Variants in GABRA5 observed in about 807,000 individuals in gnomAD.
GABRA5 encodes gamma-aminobutyric acid type A receptor subunit alpha5, also known as gamma-aminobutyric acid receptor subunit alpha-5.
A neutral mutation model predicts 47.3 loss-of-function variants in GABRA5; 18 were observed. The observed-to-expected ratio is 0.38, with a 90% CI of 0.26 to 0.56. The LOEUF is 0.56. Among genes scored for constraint, GABRA5 ranks in the 20% least tolerant of loss-of-function variants. The pLI is 0.71. For missense variants in GABRA5, 365 were observed against 599.3 expected, an observed-to-expected ratio of 0.61 and a Z score of 4.08; for synonymous variants, 237 against 229.3, an observed-to-expected ratio of 1.03 and a Z score of -0.30.
chr15:26,883,706 C>T lies in GABRA5; in HGVS notation c.497+149C>T. On this transcript the variant is annotated intron_variant, in intron 6 of 10. Transcript: ENST00000335625. This position sits in a 1 kb window ranked among gnomAD's most constrained non-coding sequence, Gnocchi z 4.8. ...TGTGCTGGGGGTTCCCCGTTGCCAT[C>T]TGCCCACACCAGCGCTCTTGGACGT... is the stretch of plus-strand genomic sequence containing the variant. The T allele has an allele frequency of 1.6e-6, 1 of 643,730 alleles. No individual in the cohort carries two copies. The highest frequency in any genetic ancestry group is 2.5e-6 in the Non-Finnish European group (1 of 392,356). 39.9% of individuals were successfully genotyped at this position (643,730 alleles called of 1,614,324 possible).
rs954583467 is a variant in GABRA5, at chr15:26,884,153, C to A, written c.497+596C>A. 2.0e-5 allele frequency among the ~76,000 whole-genome samples: 3 copies of A among 151,692 alleles called. No individual in the cohort carries two copies. In the East Asian group the frequency reaches 5.8e-4, roughly 29 times the overall value. On this transcript the variant is annotated intron_variant, in intron 6 of 10. Transcript: ENST00000335625. ...GCACTAAGCCATGATTGTACCACTGCGCTCCAGCCTGGGTGACAGAGTGAG... is the reference window on the plus strand; with the variant it reads ...GCACTAAGCCATGATTGTACCACTGAGCTCCAGCCTGGGTGACAGAGTGAG...
chr15:26,915,770 T>C (rs1347489363), intron 7 of GABRA5, among the ~76,000 whole-genome samples: 1 of 152,194 alleles, frequency 6.6e-6, no homozygotes, highest in East Asian at 1.9e-4. Context: ...AGATGAAGCA[T>C]GAAAACTGTG....
chr15:26,880,663 T>G lies in GABRA5; in HGVS notation c.87-183T>G, dbSNP rs573108395. 1,491 of 522,366 alleles carry G rather than the reference T, an allele frequency of 2.9e-3. 23 individuals carry two copies. Among genetic ancestry groups the G allele is most frequent in the African/African-American group, 0.027 (1,371 of 51,684 alleles). The allele number at this position is 522,366 out of a possible 1,614,324, so 32.4% of individuals were successfully genotyped here. A position where few individuals can be genotyped will look rare whatever the true frequency, so the allele number is the denominator to read the frequency against. On this transcript the variant is annotated intron_variant, in intron 3 of 10. Transcript: ENST00000335625. ...ATAACTAGCCCCAAGCAGAGTATCC[T>G]TGGATGTTGGAGAACTGAGGTGTAT...
chr15:26,866,787 G>C (rs1892320827), upstream of GABRA5: 1 of 152,294 alleles, frequency 6.6e-6, no homozygotes, highest in African/African-American at 2.4e-5. Flanking sequence ...GGCCTGGGCA[G>C]GGAGGCGTTG....
At chr15:26,914,669 G>A (rs1039152495) in intron 6 of GABRA5, 134 bp from the exon 7 acceptor site, 3 of 670,462 alleles carry the variant, frequency 4.5e-6, no homozygotes, top group Admixed American at 2.3e-5. Flanking sequence ...AATTTGGTGG[G>A]GATAGTTCAG....
intron 6 of GABRA5, among the ~76,000 whole-genome samples, chr15:26,906,078 T>G (rs562084214): frequency 1.3e-5 from 2 of 152,250 alleles, no homozygotes; most frequent in South Asian, 4.1e-4. Flanking sequence ...ATTTTGATTA[T>G]TATAATGTGG....
At chr15:26,927,294 AG>A (rs1893984865) in intron 7 of GABRA5, among the ~76,000 whole-genome samples, 1 of 127,970 alleles carries the variant, frequency 7.8e-6, no homozygotes, top group African/African-American at 2.9e-5. Context: ...TTGTATTTTT[AG>A]TAGAGTTGGG....
intron 1 of GABRA5, 120 bp from the exon 2 acceptor site, chr15:26,868,609 G>T (rs1488983731): frequency 6.6e-6 from 1 of 152,424 alleles, no homozygotes; most frequent in Non-Finnish European, 1.5e-5. Context: ...TAGTCACGGG[G>T]ACCGAATGCC....
intron 6 of GABRA5, among the ~76,000 whole-genome samples, chr15:26,900,309 A>AT (rs541731521): frequency 0.021 from 3,141 of 152,132 alleles, 107 homozygotes; most frequent in African/African-American, 0.072. Context: ...TAATTATACA[A>AT]TTTTTTTGTA....
At chr15:26,919,913 G>A (rs1893803680) in intron 7 of GABRA5, among the ~76,000 whole-genome samples, 2 of 151,312 alleles carry the variant, frequency 1.3e-5, no homozygotes, top group South Asian at 2.1e-4. Context: ...TCAGCACTTT[G>A]AATGTGTTTT....
intron 6 of GABRA5, among the ~76,000 whole-genome samples, chr15:26,902,996 C>T (rs1280117066): frequency 1.3e-5 from 2 of 151,922 alleles, no homozygotes; most frequent in Non-Finnish European, 2.9e-5. Flanking sequence ...GGTACATGTG[C>T]AGATTTGTTA....
At chr15:26,942,121 C>T (rs1377572426) in intron 9 of GABRA5, among the ~76,000 whole-genome samples, 1 of 152,192 alleles carries the variant, frequency 6.6e-6, no homozygotes, top group Admixed American at 6.5e-5. Flanking sequence ...TGTGGGTAGT[C>T]TCATCTCCTT....
At chr15:26,881,110 G>A (rs1892719660) in intron 4 of GABRA5, 143 bp downstream of exon 4, 1 of 825,090 alleles carries the variant, frequency 1.2e-6, no homozygotes, top group Admixed American at 3.3e-5. Flanking sequence ...TTCCACTCTT[G>A]CCAAGAATCA....
At chr15:26,946,268 A>C (rs182978081) in intron 10 of GABRA5, among the ~76,000 whole-genome samples, 16 of 152,336 alleles carry the variant, frequency 1.1e-4, no homozygotes, top group Admixed American at 2.0e-4. Context: ...AGTGGAACAC[A>C]GGTTGTCTAA....
rs749677049 is a variant in GABRA5 at position 26,947,971 on chromosome 15, C to T, written c.1127C>T (p.Ala376Val). The change falls in exon 11 of 11, where the codon GCT (alanine) becomes GTT (valine). Residue 376 changes from alanine to valine, a missense_variant. Physicochemically the swap from Ala to Val is moderately conservative, Grantham distance 64. Coordinates refer to ENST00000335625, the MANE Select transcript of GABRA5 (RefSeq NM_000810.4). ...GTCATACTAAATAAGTCAACAAACG[C>T]TTTTACAACTGGGAAGATGTCTCAC... ...REVILNKSTNAFTTGKMSHPP... is the reference protein window; with the variant it reads ...REVILNKSTNVFTTGKMSHPP... The T allele has an allele frequency of 6.3e-6, 10 of 1,591,128 alleles. No individual in the cohort carries two copies. The highest frequency in any genetic ancestry group is 7.7e-6 in the Non-Finnish European group (9 of 1,168,074).
At chr15:26,898,721 T>C (rs894428305) in intron 6 of GABRA5, among the ~76,000 whole-genome samples, 7 of 141,294 alleles carry the variant, frequency 5.0e-5, no homozygotes, top group Admixed American at 2.1e-4. Flanking sequence ...TCTTTGGGCT[T>C]AGCGTGCTCT....
At chr15:26,933,130 G>A (rs911211729) in intron 7 of GABRA5, among the ~76,000 whole-genome samples, 4 of 151,636 alleles carry the variant, frequency 2.6e-5, no homozygotes, top group Non-Finnish European at 4.4e-5. Flanking sequence ...CAGGCAGTGT[G>A]AGTGATGTTT....
intron 6 of GABRA5, among the ~76,000 whole-genome samples, chr15:26,913,547 T>C (rs1893649459): frequency 6.6e-6 from 1 of 152,214 alleles, no homozygotes; most frequent in Admixed American, 6.5e-5. Flanking sequence ...TTCAGTCTTA[T>C]ATAACAAGGA....
rs141970848 is a variant in GABRA5 at position 26,875,238 on chromosome 15, G to C, written c.87-5608G>C. Among the ~76,000 whole-genome samples the C allele has an allele frequency of 2.0e-5, 3 of 152,184 alleles. No homozygotes were observed. In the South Asian group the frequency reaches 6.2e-4, roughly 32 times the overall value. On this transcript the variant is annotated intron_variant, in intron 3 of 10. Transcript: ENST00000335625. Reference sequence around the variant, plus strand: ...TTTACTGGACCCAGAGTGTGAGATGGTGCCTGGCCTCAGCCTGAGCACAGT... The same window carrying C: ...TTTACTGGACCCAGAGTGTGAGATGCTGCCTGGCCTCAGCCTGAGCACAGT...
Sources: gnomAD v4.1 joint callset for allele counts (sites outside exome capture counted in the v4.1 genomes callset) on GRCh38, gnomAD v4.1.1 for gene constraint, Gnocchi (gnomAD v3.1) non-coding constraint, MANE v1.5 for transcripts, NCBI Gene and HGNC (gene_info 2026-07-23, HGNC 2026-07-21) for gene names.